Variants in COG7 observed in about 807,000 individuals in gnomAD.
The protein encoded by COG7 is component of oligomeric golgi complex 7, also known as conserved oligomeric Golgi complex subunit 7.
COG7 carries 49 observed loss-of-function variants against 91.5 expected under a neutral mutation model. That is an observed-to-expected ratio of 0.54 (90% confidence interval 0.43 to 0.68). The LOEUF (loss-of-function observed/expected upper bound fraction) is 0.68. COG7 is among the 30% of genes least tolerant of loss of function. The pLI is 0.00. For synonymous variants in COG7, 365 were observed against 388.7 expected, an observed-to-expected ratio of 0.94 and a Z score of 0.72; for missense variants, 895 against 961.3, an observed-to-expected ratio of 0.93 and a Z score of 0.91.
intron 1 of COG7, among the ~76,000 whole-genome samples, chr16:23,451,192 C>A (rs1479907856): frequency 6.6e-6 from 1 of 151,398 alleles, no homozygotes; most frequent in Non-Finnish European, 1.5e-5. Flanking sequence ...GACTTCGTCT[C>A]AAAAAAAACA....
chr16:23,439,321 A>AG (rs1964063017), intron 4 of COG7, among the ~76,000 whole-genome samples: 1 of 150,966 alleles, frequency 6.6e-6, no homozygotes, highest in Non-Finnish European at 1.5e-5. Flanking sequence ...AAAAAAAAAA[A>AG]AAAAAAGATA....
At position 23,442,466 on chromosome 16, in the gene COG7, C is replaced by A; in HGVS notation, c.604+11G>T. The A allele has an allele frequency of 6.2e-7, 1 of 1,613,478 alleles. No individual in the cohort carries two copies. The highest frequency in any genetic ancestry group is 1.3e-5 in the African/African-American group (1 of 75,022). ...AGATATACACAGAGATGAGAAGCAG[C>A]TAGCACTCACCTACAGCCTGAGAGG... On this transcript the variant is annotated intron_variant, in intron 4 of 16. Coordinates refer to ENST00000307149, the MANE Select transcript of COG7 (RefSeq NM_153603.4).
chr16:23,400,488 G>A (rs1963356770), intron 13 of COG7, among the ~76,000 whole-genome samples: 1 of 152,192 alleles, frequency 6.6e-6, no homozygotes, highest in Non-Finnish European at 1.5e-5. Context: ...GCAGGGCGAA[G>A]ACAAGCACTG....
rs762124832 is a variant in COG7 at position 23,389,025 on chromosome 16, G to A, written c.2208C>T (p.Ile736=). 2.1e-5 allele frequency: 34 copies of A among 1,614,074 alleles called. No individual in the cohort carries two copies. In the Middle Eastern group the frequency reaches 2.0e-3, roughly 94 times the overall value. The change falls in exon 17 of 17, where the codon ATC becomes ATT. Residue 736 remains isoleucine (I), a synonymous_variant. Transcript: ENST00000307149. ...GLQPSRTLQH[I]VTLLKTRPED... ...CAGGCCTGGTCTTCAGTAGCGTCAC[G>A]ATGTGCTGGAGGGTGCGGGACGGCT...
At chr16:23,401,748 T>G (rs1408441400) in intron 13 of COG7, among the ~76,000 whole-genome samples, 1 of 151,990 alleles carries the variant, frequency 6.6e-6, no homozygotes, top group Non-Finnish European at 1.5e-5. Context: ...AATGAGTATC[T>G]TTCGTGGAGA....
chr16:23,450,694 T>C (rs1370168557), intron 1 of COG7, among the ~76,000 whole-genome samples: 1 of 151,744 alleles, frequency 6.6e-6, no homozygotes, highest in East Asian at 2.0e-4. Flanking sequence ...CCATCTGGCA[T>C]GGTGGCACAA....
At chr16:23,390,520 T>A (rs1858284182) in intron 16 of COG7, among the ~76,000 whole-genome samples, 1 of 152,092 alleles carries the variant, frequency 6.6e-6, no homozygotes, top group Non-Finnish European at 1.5e-5. Flanking sequence ...CACCGGCTAC[T>A]TTCTGATCTT....
Position 23,426,834 on chromosome 16 carries a change from A to AAAAG in COG7, c.811-1891_811-1888dup, listed in dbSNP as rs1227960398. 9.0e-3 allele frequency among the ~76,000 whole-genome samples: 1,308 copies of AAAAG among 145,974 alleles called. 8 individuals are homozygous for AAAAG. The highest frequency in any genetic ancestry group is 0.015 in the East Asian group (72 of 4,934). ...GCAATTGGACAAAAAAAAAAAAAAAAAAAGAAAGAAAGAAAGAAAGAAAGA... is the reference window on the plus strand; with the variant it reads ...GCAATTGGACAAAAAAAAAAAAAAAAAAAGAAAGAAAGAAAGAAAGAAAGAAAGA... On this transcript the variant is annotated intron_variant, in intron 6 of 16. Coordinates refer to ENST00000307149, the MANE Select transcript of COG7 (RefSeq NM_153603.4).
At chr16:23,444,175 G>A (rs889892676) in intron 3 of COG7, among the ~76,000 whole-genome samples, 3 of 151,778 alleles carry the variant, frequency 2.0e-5, no homozygotes, top group Non-Finnish European at 4.4e-5. Flanking sequence ...GAGGACTAAG[G>A]TGGGGGTCAG....
chr16:23,390,912 A>G (rs546660409), intron 16 of COG7, among the ~76,000 whole-genome samples: 1 of 152,378 alleles, frequency 6.6e-6, no homozygotes, highest in African/African-American at 2.4e-5. Context: ...GTCAGCCAAG[A>G]GCTGCAAAGA....
chr16:23,451,074 T>A (rs1003777297), intron 1 of COG7, among the ~76,000 whole-genome samples: 4 of 151,960 alleles, frequency 2.6e-5, no homozygotes, highest in Admixed American at 6.6e-5. Context: ...GCACCTGTAA[T>A]CCCAGCTACT....
Position 23,434,377 on chromosome 16 carries a change from T to A in COG7, c.687+259A>T, listed in dbSNP as rs187016210. Among the ~76,000 whole-genome samples, 40 of 152,234 alleles carry A rather than the reference T, an allele frequency of 2.6e-4. No individual in the cohort carries two copies. The East Asian group carries it at 7.7e-3, about 29-fold the overall frequency. Reference sequence around the variant, plus strand: ...CTTAAAAGACAAAAATGAGAATAAATTAAAACAACGTTTCAAGTCTATAAT... The same window carrying A: ...CTTAAAAGACAAAAATGAGAATAAAATAAAACAACGTTTCAAGTCTATAAT... On this transcript the variant is annotated intron_variant, in intron 5 of 16. Transcript: ENST00000307149.
At chr16:23,391,756 C>G (rs1191758032) in intron 16 of COG7, 2 of 163,354 alleles carry the variant, frequency 1.2e-5, no homozygotes, top group East Asian at 3.3e-4. Flanking sequence ...CACCTGCCAG[C>G]AGTAGCCCCA....
chr16:23,399,323 G>A, intron 13 of COG7, among the ~76,000 whole-genome samples: 1 of 151,660 alleles, frequency 6.6e-6, no homozygotes, highest in Non-Finnish European at 1.5e-5. Context: ...TCTTGCCTGC[G>A]AATGCTCTTT....
In COG7 at chr16:23,413,490, G is replaced by A. The variant is rs1963600938; in HGVS notation, c.1367C>T (p.Ser456Phe). The change falls in exon 10 of 17, where the codon TCC (serine) becomes TTC (phenylalanine). Residue 456 changes from serine (S) to phenylalanine (F), a missense_variant. Ser to Phe is a radical substitution (Grantham distance 155). Transcript: ENST00000307149. The stretch of plus-strand genomic sequence containing the variant: ...AGCCGTCCAATCTTCCTGGAAGAGG[G>A]AGTTGGGAGGAATGTGGTCCAGTTT... ...KCKLDHIPPN[S>F]LFQEDWTAFQ... 1 of 1,612,400 alleles carries A rather than the reference G, an allele frequency of 6.2e-7. No individual in the cohort carries two copies. Among genetic ancestry groups the A allele is most frequent in the Non-Finnish European group, 8.5e-7 (1 of 1,178,378 alleles).
intron 4 of COG7, among the ~76,000 whole-genome samples, chr16:23,438,284 C>T (rs543047851): frequency 1.3e-5 from 2 of 152,272 alleles, no homozygotes; most frequent in South Asian, 2.1e-4. Flanking sequence ...AAGGGCCAGG[C>T]ACCCTGGCTC....
At chr16:23,452,767 G>A in intron 1 of COG7, 59 bp downstream of exon 1, 2 of 1,559,062 alleles carry the variant, frequency 1.3e-6, no homozygotes, top group Non-Finnish European at 1.7e-6. Flanking sequence ...CAAGTTCGGT[G>A]ACCTCTGCCC....
At chr16:23,451,439 C>T (rs1964264233) in intron 1 of COG7, among the ~76,000 whole-genome samples, 1 of 152,096 alleles carries the variant, frequency 6.6e-6, no homozygotes, top group Admixed American at 6.6e-5. Context: ...TTAGGCCAGG[C>T]GTGGTGGCTC....
intron 12 of COG7, among the ~76,000 whole-genome samples, chr16:23,404,147 C>G (rs1055809702): frequency 1.3e-5 from 2 of 152,222 alleles, no homozygotes; most frequent in Non-Finnish European, 2.9e-5. Context: ...GAAAAATTCA[C>G]CTGTGACCAT....
Sources: gnomAD v4.1 joint callset for allele counts (sites outside exome capture counted in the v4.1 genomes callset) on GRCh38, gnomAD v4.1.1 for gene constraint, MANE v1.5 for transcripts, NCBI Gene and HGNC (gene_info 2026-07-23, HGNC 2026-07-21) for gene names.